Variants in PHC3 observed in about 807,000 individuals in gnomAD.
PHC3 encodes the protein polyhomeotic homolog 3.
Under a neutral mutation model 107.4 loss-of-function variants are expected in PHC3, and 13 were observed. The observed-to-expected ratio is 0.12, with a 90% CI of 0.08 to 0.19. The LOEUF (loss-of-function observed/expected upper bound fraction) is 0.19, where lower values mean the gene tolerates loss of function less well. Ranked by LOEUF, PHC3 falls within the 10% of genes least tolerant of loss-of-function variation. PHC3 has a pLI of 1.00. For missense variants in PHC3, 992 were observed against 1,210.9 expected (o/e 0.82, Z 2.68); for synonymous variants, 456 against 427.4 (o/e 1.07, Z -0.83).
chr3:170,172,578 A>C lies in PHC3; in HGVS notation c.315T>G (p.Leu105=). The C allele has an allele frequency of 1.2e-6, 2 of 1,613,370 alleles. No homozygotes were observed. Among genetic ancestry groups the C allele is most frequent in the Non-Finnish European group, 1.7e-6 (2 of 1,179,760 alleles). Reference sequence around the variant, plus strand: ...TTACCTGAACAGCAGCAAGGCTCTGAAGCTGGGAGCTGCTTAAATGCTGCT... The same window carrying C: ...TTACCTGAACAGCAGCAAGGCTCTGCAGCTGGGAGCTGCTTAAATGCTGCT... ...LQQQHLSSSQ[L]QSLAAVQASL... is the part of the protein sequence containing the mutation. The change falls in exon 3 of 15, where the codon CTT becomes CTG. Residue 105 remains leucine, a synonymous_variant. Transcript: ENST00000495893.
intron 14 of PHC3, among the ~76,000 whole-genome samples, chr3:170,098,477 T>C (rs912042304): frequency 6.6e-6 from 1 of 152,190 alleles, no homozygotes; most frequent in Admixed American, 6.5e-5. Flanking sequence ...TCAATTATCC[T>C]TTCTACTTGC....
intron 11 of PHC3, 82 bp downstream of exon 11, chr3:170,113,278 T>C: frequency 7.5e-7 from 1 of 1,341,016 alleles, no homozygotes; most frequent in Non-Finnish European, 1.0e-6. Context: ...TGAAATTCTG[T>C]ACAGAATAAA....
chr3:170,150,242 A>G (rs1577170618), intron 4 of PHC3, among the ~76,000 whole-genome samples: 1 of 152,212 alleles, frequency 6.6e-6, no homozygotes, highest in East Asian at 1.9e-4. Flanking sequence ...ATTCACATAT[A>G]TAAAGACATA....
intron 12 of PHC3, among the ~76,000 whole-genome samples, chr3:170,103,923 A>G (rs1715968498): frequency 6.6e-6 from 1 of 152,134 alleles, no homozygotes. Context: ...TACAAAAACT[A>G]GCCAGGTGTG....
intron 4 of PHC3, chr3:170,170,409 T>C (rs1341968375): frequency 6.7e-6 from 1 of 150,016 alleles, no homozygotes; most frequent in African/African-American, 2.5e-5. Context: ...AAACATCCTA[T>C]AAATTACACG....
chr3:170,181,157 C>A (rs1731342200), intron 1 of PHC3, among the ~76,000 whole-genome samples: 1 of 152,228 alleles, frequency 6.6e-6, no homozygotes, highest in Non-Finnish European at 1.5e-5. Flanking sequence ...GCAAGCAGCC[C>A]CCGCCGCTCT....
At chr3:170,140,548 C>T (rs1407967795) in intron 6 of PHC3, among the ~76,000 whole-genome samples, 1 of 149,854 alleles carries the variant, frequency 6.7e-6, no homozygotes, top group Non-Finnish European at 1.5e-5. Context: ...GCCACTGTGC[C>T]AGCCTCTGGG....
chr3:170,176,740 A>G (rs867891207), intron 2 of PHC3: 14 of 204,396 alleles, frequency 6.8e-5, no homozygotes, highest in African/African-American at 2.5e-4. Flanking sequence ...CAATTATTCA[A>G]TAAGTATTAG....
intron 4 of PHC3, among the ~76,000 whole-genome samples, chr3:170,165,620 G>GGC: frequency 6.6e-6 from 1 of 151,894 alleles, no homozygotes; most frequent in East Asian, 1.9e-4. Context: ...CGGGCATGGT[G>GGC]GTAAACGCCT....
At position 170,120,120 on chromosome 3, in the gene PHC3, CTTTT is replaced by C. The variant is rs576016932; in HGVS notation, c.1942+2467_1942+2470del. Among the ~76,000 whole-genome samples, 103 of 151,558 alleles carry C rather than the reference CTTTT, an allele frequency of 6.8e-4. 1 individual carries two copies. Among genetic ancestry groups the C allele is most frequent in the African/African-American group, 2.4e-3 (98 of 41,366 alleles). On this transcript the variant is annotated intron_variant, in intron 9 of 14. Transcript: ENST00000495893. ...TAAGTTTACTATTCAATAAAACTGA[CTTTT>C]TTTTTGGTAACTCTAATCTCATGAC...
chr3:170,126,756 G>T (rs1421976338), intron 8 of PHC3, among the ~76,000 whole-genome samples: 1 of 151,650 alleles, frequency 6.6e-6, no homozygotes, highest in Non-Finnish European at 1.5e-5. Flanking sequence ...GGCCAGGCTG[G>T]TCTTGAACTC....
At chr3:170,172,356 G>C (rs1729728378) in intron 3 of PHC3, among the ~76,000 whole-genome samples, 1 of 150,244 alleles carries the variant, frequency 6.7e-6, no homozygotes, top group Admixed American at 6.7e-5. Context: ...TGAGACAAAA[G>C]CTAGAAACAG....
In PHC3 at chr3:170,095,099, C is replaced by G. The variant is rs1266776866; in HGVS notation, c.*2131G>C. On this transcript the variant is annotated 3_prime_UTR_variant, in exon 15 of 15. Coordinates refer to ENST00000495893, the MANE Select transcript of PHC3 (RefSeq NM_024947.4). ...CTCTCTCTCTCATACTGTGGGCCATCTCTTACTAATGCTTAGCCTGTATTT... is the reference window on the plus strand; with the variant it reads ...CTCTCTCTCTCATACTGTGGGCCATGTCTTACTAATGCTTAGCCTGTATTT... 1 of 152,102 alleles carries G rather than the reference C, an allele frequency of 6.6e-6. No homozygotes were observed. Among genetic ancestry groups the G allele is most frequent in the African/African-American group, 2.4e-5 (1 of 41,430 alleles). The allele number at this position is 152,102 out of a possible 1,614,324, so 9.4% of individuals were successfully genotyped here.
At chr3:170,144,202 G>T (rs140750932) in intron 6 of PHC3, among the ~76,000 whole-genome samples, 1 of 151,084 alleles carries the variant, frequency 6.6e-6, no homozygotes, top group African/African-American at 2.4e-5. Flanking sequence ...TTAGCCAGGC[G>T]TAGTAGTGCG....
intron 10 of PHC3, among the ~76,000 whole-genome samples, 171 bp from the exon 11 acceptor site, chr3:170,113,690 A>G (rs1186738289): frequency 6.6e-6 from 1 of 152,218 alleles, no homozygotes; most frequent in Non-Finnish European, 1.5e-5. Context: ...GGCAGAGTGG[A>G]CATGAATGGT....
chr3:170,123,302 T>C (rs1720698577), intron 8 of PHC3, among the ~76,000 whole-genome samples: 1 of 151,646 alleles, frequency 6.6e-6, no homozygotes, highest in African/African-American at 2.4e-5. Flanking sequence ...CTCAACAATC[T>C]AATGACTCTT....
intron 3 of PHC3, among the ~76,000 whole-genome samples, chr3:170,172,115 C>T (rs7647273): frequency 0.31 from 46,609 of 151,850 alleles, 7,201 homozygotes; most frequent in East Asian, 0.49. Flanking sequence ...CTGTGGCCAC[C>T]TTTGAAGAAC....
At chr3:170,176,136 G>A (rs908131184) in intron 2 of PHC3, among the ~76,000 whole-genome samples, 24 of 146,980 alleles carry the variant, frequency 1.6e-4, no homozygotes, top group African/African-American at 6.1e-4. Flanking sequence ...TGAAGCAGGA[G>A]AATCGCTTGA....
chr3:170,096,371 A>G lies in PHC3; in HGVS notation c.*859T>C, dbSNP rs1560012806. 1 of 152,096 alleles carries G rather than the reference A, an allele frequency of 6.6e-6. No individual in the cohort carries two copies. The highest frequency in any genetic ancestry group is 1.5e-5 in the Non-Finnish European group (1 of 68,010). The allele number at this position is 152,096 out of a possible 1,614,324, so 9.4% of individuals were successfully genotyped here. A position where few individuals can be genotyped will look rare whatever the true frequency, so the allele number is the denominator to read the frequency against. On this transcript the variant is annotated 3_prime_UTR_variant, in exon 15 of 15. Coordinates refer to ENST00000495893, the MANE Select transcript of PHC3 (RefSeq NM_024947.4). ...GAGTTTCTCAACCTTGGCAGTACCG[A>G]TATTTTTGAACCAATAATTCTTTAC...
Sources: allele counts gnomAD v4.1 joint callset (sites outside exome capture counted in the v4.1 genomes callset), GRCh38; gene constraint gnomAD v4.1.1; transcripts MANE v1.5; gene names NCBI Gene and HGNC (gene_info 2026-07-23, HGNC 2026-07-21).